Variants in RAP1GAP2 observed in about 807,000 individuals in gnomAD.
The protein encoded by RAP1GAP2 is RAP1 GTPase activating protein 2.
A neutral mutation model predicts 95.0 loss-of-function variants in RAP1GAP2; 27 were observed. That is an observed-to-expected ratio of 0.28 (90% CI 0.21 to 0.39). The LOEUF (loss-of-function observed/expected upper bound fraction) is 0.39, where lower values mean the gene tolerates loss of function less well. Among genes scored for constraint, RAP1GAP2 ranks in the 10% least tolerant of loss-of-function variants. The pLI is 1.00. For missense variants in RAP1GAP2, 771 were observed against 970.0 expected (o/e 0.79, Z 2.72); for synonymous variants, 373 against 380.9 (o/e 0.98, Z 0.24).
intron 2 of RAP1GAP2, among the ~76,000 whole-genome samples, chr17:2,864,679 C>T (rs1003163765): frequency 1.3e-5 from 2 of 152,290 alleles, no homozygotes; most frequent in South Asian, 2.1e-4. Context: ...CAGTCCTGTG[C>T]GTCCTTTGGG....
chr17:2,922,935 A>G (rs913260932), intron 3 of RAP1GAP2, among the ~76,000 whole-genome samples: 41 of 146,786 alleles, frequency 2.8e-4, no homozygotes, highest in Admixed American at 6.4e-4. Context: ...ACCTTGGCTC[A>G]TGGCACGACC....
chr17:2,967,253 C>T (rs1012070376), intron 8 of RAP1GAP2, among the ~76,000 whole-genome samples: 4 of 152,174 alleles, frequency 2.6e-5, no homozygotes, highest in Middle Eastern at 3.4e-3. Flanking sequence ...TGCCTGTAGT[C>T]CCAGCTACTC....
In RAP1GAP2 at chr17:2,902,132, C is replaced by A. The variant is rs927804740; in HGVS notation, c.81-3152C>A. Among the ~76,000 whole-genome samples the A allele has an allele frequency of 3.3e-5, 5 of 152,174 alleles. No homozygotes were observed. Among genetic ancestry groups the A allele is most frequent in the African/African-American group, 4.8e-5 (2 of 41,442 alleles). On this transcript the variant is annotated intron_variant, in intron 2 of 24. Coordinates refer to ENST00000254695, the MANE Select transcript of RAP1GAP2 (RefSeq NM_015085.5). The surrounding 1 kb of genome is among the most constrained non-coding windows in gnomAD (Gnocchi z 4.1). Reference sequence around the variant, plus strand: ...GGCGGGGTCGGCAAGCCTCAGCATGCGTTGGCTTGCAGCCGCATCACTCCT... The same window carrying A: ...GGCGGGGTCGGCAAGCCTCAGCATGAGTTGGCTTGCAGCCGCATCACTCCT...
At chr17:2,889,506 C>T (rs1269193272) in intron 2 of RAP1GAP2, among the ~76,000 whole-genome samples, 7 of 151,806 alleles carry the variant, frequency 4.6e-5, no homozygotes, top group East Asian at 1.9e-4. Flanking sequence ...GTGGAGCTCC[C>T]GGCGGCTGAG....
chr17:3,026,966 C>T lies in RAP1GAP2; in HGVS notation c.2003C>T (p.Ser668Leu). The change falls in exon 22 of 25, where the codon TCA becomes TTA. Residue 668 changes from serine (S) to leucine (L), a missense_variant. By Grantham distance (145) the Ser-to-Leu change is moderately radical (BLOSUM62 -2). Coordinates refer to ENST00000254695, the MANE Select transcript of RAP1GAP2 (RefSeq NM_015085.5). ...DSGGSQPSTT[S>L]PFKQEVFVYS... The stretch of plus-strand genomic sequence containing the variant: ...CAGGGCAGCCAGCCGTCCACGACCT[C>T]ACCCTTCAAGCAGGAGGTGTTTGTC... 1 of 1,553,576 alleles carries T rather than the reference C, an allele frequency of 6.4e-7. No individual in the cohort carries two copies. Among genetic ancestry groups the T allele is most frequent in the Non-Finnish European group, 8.7e-7 (1 of 1,148,170 alleles).
At chr17:3,015,333 G>A (rs369750953) in intron 17 of RAP1GAP2, among the ~76,000 whole-genome samples, 10 of 152,188 alleles carry the variant, frequency 6.6e-5, no homozygotes, top group African/African-American at 1.7e-4. Context: ...GGGGCTGTCC[G>A]GTTTACAAAT....
chr17:2,859,236 A>C (rs1478863490), intron 2 of RAP1GAP2, among the ~76,000 whole-genome samples: 1 of 149,632 alleles, frequency 6.7e-6, no homozygotes, highest in South Asian at 2.1e-4. Flanking sequence ...TCAACCTCTC[A>C]AGTAGCTGGG....
rs79384703 is a variant in RAP1GAP2 at position 3,004,493 on chromosome 17, G to A, written c.1201-876G>A. Among the ~76,000 whole-genome samples, 14,730 of 152,280 alleles carry A rather than the reference G, an allele frequency of 0.097. 877 individuals are homozygous for A. Among genetic ancestry groups the A allele is most frequent in the East Asian group, 0.29 (1,489 of 5,162 alleles). On this transcript the variant is annotated intron_variant, in intron 14 of 24. Coordinates refer to ENST00000254695, the MANE Select transcript of RAP1GAP2 (RefSeq NM_015085.5). The surrounding 1 kb of genome is among the most constrained non-coding windows in gnomAD (Gnocchi z 4.1). ...TGTAGGGAAGGGAGGGCAGTCTCCC[G>A]AGAGCCTCACAGCCTCGTGGGCTGA...
At chr17:2,796,353 G>A, upstream of RAP1GAP2, 2 of 685,932 alleles carry the variant, frequency 2.9e-6, no homozygotes, top group South Asian at 1.7e-5. This position sits in a 1 kb window ranked among gnomAD's most constrained non-coding sequence, Gnocchi z 4.7. Flanking sequence ...ACACCTCCCA[G>A]CTCTGCAGCC....
At chr17:2,956,476 C>T (rs577937190) in intron 3 of RAP1GAP2, among the ~76,000 whole-genome samples, 1 of 152,322 alleles carries the variant, frequency 6.6e-6, no homozygotes, top group Non-Finnish European at 1.5e-5. Context: ...CCCATGGGTG[C>T]CTGCAGAGGT....
chr17:2,887,682 T>TG (rs1038757801), intron 2 of RAP1GAP2, among the ~76,000 whole-genome samples: 12 of 148,030 alleles, frequency 8.1e-5, no homozygotes, highest in Non-Finnish European at 1.6e-4. Flanking sequence ...GTTTTTTTGT[T>TG]TTTTTTTTTT....
At position 2,902,393 on chromosome 17, in the gene RAP1GAP2, T is replaced by C. The variant is rs1167103593; in HGVS notation, c.81-2891T>C. ...CACCATGCCTGGCTAATTTTTGTAT[T>C]TTTAGTAGAGACGGGGTTTCGCCAC... On this transcript the variant is annotated intron_variant, in intron 2 of 24. Coordinates refer to ENST00000254695, the MANE Select transcript of RAP1GAP2 (RefSeq NM_015085.5). The surrounding 1 kb of genome is among the most constrained non-coding windows in gnomAD (Gnocchi z 4.1). 5.3e-5 allele frequency among the ~76,000 whole-genome samples: 8 copies of C among 152,156 alleles called. No homozygotes were observed. The highest frequency in any genetic ancestry group is 5.2e-4 in the Admixed American group (8 of 15,268).
In RAP1GAP2 at chr17:2,866,720, C is replaced by T. The variant is rs1351502677; in HGVS notation, c.81-38564C>T. 6.6e-6 allele frequency among the ~76,000 whole-genome samples: 1 copy of T among 151,824 alleles called. No homozygotes were observed. The highest frequency in any genetic ancestry group is 2.4e-5 in the African/African-American group (1 of 41,324). ...GTTCAAGCGATTCTCCTGTCTCAGC[C>T]TCCCGAGTAGCTGGGATTACAGGTG... On this transcript the variant is annotated intron_variant, in intron 2 of 24. Transcript: ENST00000254695. The surrounding 1 kb of genome is among the most constrained non-coding windows in gnomAD (Gnocchi z 4.0).
chr17:2,778,820 A>G (rs138768242), intron 1 of RAP1GAP2, among the ~76,000 whole-genome samples: 5 of 152,232 alleles, frequency 3.3e-5, no homozygotes, highest in East Asian at 1.9e-4. Context: ...TTTGAAGGAG[A>G]GGGAGGGGAA....
At chr17:3,023,269 C>A (rs1426365969) in intron 19 of RAP1GAP2, among the ~76,000 whole-genome samples, 4 of 152,188 alleles carry the variant, frequency 2.6e-5, no homozygotes, top group Admixed American at 2.6e-4. Context: ...CTTTCTGATT[C>A]TTTAATTGAT....
intron 2 of RAP1GAP2, chr17:2,853,858 G>T: frequency 1.1e-6 from 1 of 929,076 alleles, no homozygotes; most frequent in Non-Finnish European, 1.3e-6. Flanking sequence ...CCCCCGGGGC[G>T]CACCTAGGCG....
intron 2 of RAP1GAP2, among the ~76,000 whole-genome samples, chr17:2,880,635 C>T (rs906626504): frequency 6.6e-6 from 1 of 151,912 alleles, no homozygotes; most frequent in Non-Finnish European, 1.5e-5. Context: ...GTCACTCCCA[C>T]CCCCGCCTCC....
chr17:2,948,747 C>T (rs568436024), intron 3 of RAP1GAP2, among the ~76,000 whole-genome samples: 2 of 148,380 alleles, frequency 1.3e-5, no homozygotes, highest in South Asian at 4.3e-4. Flanking sequence ...CAGGTGGCTG[C>T]CTGTCTGCAG....
chr17:2,759,845 G>C (rs12602759), intron 1 of RAP1GAP2, among the ~76,000 whole-genome samples: 4 of 152,096 alleles, frequency 2.6e-5, no homozygotes, highest in African/African-American at 9.7e-5. Flanking sequence ...CTCCCGAAGT[G>C]TTGAGATTAT....
Sources: allele counts gnomAD v4.1 joint callset (sites outside exome capture counted in the v4.1 genomes callset), GRCh38; gene constraint gnomAD v4.1.1; non-coding constraint Gnocchi (gnomAD v3.1); transcripts MANE v1.5; gene names NCBI Gene and HGNC (gene_info 2026-07-23, HGNC 2026-07-21).